Variants in TRPA1 observed in about 807,000 individuals in gnomAD.
TRPA1 encodes ankyrin-like with transmembrane domains 1.
In TRPA1, 129 loss-of-function variants were observed where a neutral mutation model predicts 131.3. The ratio of observed to expected loss-of-function variants is 0.98; its 90% CI spans 0.85 to 1.14. The LOEUF is 1.14. Among genes scored for constraint, TRPA1 ranks in the 50% most tolerant of loss-of-function variants. The pLI is 0.00. For synonymous variants in TRPA1, 441 were observed against 451.7 expected (o/e 0.98, Z 0.30); for missense variants, 1,304 against 1,354.2 (o/e 0.96, Z 0.58).
Position 72,069,052 on chromosome 8 carries a change from C to T in TRPA1, c.415G>A (p.Val139Met). 6.2e-7 allele frequency: 1 copy of T among 1,614,200 alleles called. No individual in the cohort carries two copies. The highest frequency in any genetic ancestry group is 1.3e-5 in the African/African-American group (1 of 75,052). The change falls in exon 3 of 27, where the codon GTG becomes ATG. Residue 139 changes from valine (V) to methionine (M), a missense_variant. Physicochemically the swap from Val to Met is conservative, Grantham distance 21. Transcript: ENST00000262209. ...FNMMAPLHIA[V>M]QGMNNEVMKV... ...ATCACCTCATTATTCATGCCCTGCACAGCTATGTGGAGAGGAGCCATCATG... is the reference window on the plus strand; with the variant it reads ...ATCACCTCATTATTCATGCCCTGCATAGCTATGTGGAGAGGAGCCATCATG...
At chr8:72,025,734 G>T (rs1811579580) in intron 25 of TRPA1, among the ~76,000 whole-genome samples, 1 of 152,182 alleles carries the variant, frequency 6.6e-6, no homozygotes, top group Admixed American at 6.5e-5. Flanking sequence ...ATTTAACACA[G>T]ATGCTATGGA....
At chr8:72,075,958 A>G (rs1010417115), upstream of TRPA1, among the ~76,000 whole-genome samples, 9 of 151,186 alleles carry the variant, frequency 6.0e-5, no homozygotes, top group African/African-American at 2.2e-4. Flanking sequence ...ATGACTGGGT[A>G]TATTGGAAAG....
chr8:72,046,688 A>G (rs1563391774), intron 16 of TRPA1, 80 bp from the exon 17 acceptor site: 17 of 726,924 alleles, frequency 2.3e-5, no homozygotes, highest in East Asian at 8.0e-5. Context: ...TGAAAAAATC[A>G]AATACACAAA....
At chr8:72,042,783 T>C (rs2129434314) in intron 17 of TRPA1, among the ~76,000 whole-genome samples, 1 of 152,030 alleles carries the variant, frequency 6.6e-6, no homozygotes, top group East Asian at 1.9e-4. Context: ...AAGGAGATTA[T>C]AGTAACTGAA....
intron 20 of TRPA1, 91 bp from the exon 21 acceptor site, chr8:72,036,548 A>G (rs1300012247): frequency 8.0e-7 from 1 of 1,242,376 alleles, no homozygotes. Context: ...CAATTTTTCT[A>G]GCTTTGCAGC....
the TRPA1 span, among the ~76,000 whole-genome samples, chr8:72,083,776 A>C: frequency 6.6e-6 from 1 of 151,884 alleles, no homozygotes; most frequent in Non-Finnish European, 1.5e-5. Context: ...AACAAAAAAA[A>C]ATTTTTCTGT....
chr8:72,033,757 G>A lies in TRPA1; in HGVS notation c.2755C>T (p.Arg919Ter), dbSNP rs147706025. 2.2e-4 allele frequency: 357 copies of A among 1,613,802 alleles called. No individual in the cohort carries two copies. Among genetic ancestry groups the A allele is most frequent in the Non-Finnish European group, 2.9e-4 (341 of 1,179,870 alleles). ...AGATATGGTTCTAGGAAGGACTCTC[G>A]ATAATTGATATCTCCTAGCATCATG... The part of the protein sequence containing the change: ...FSMMLGDINY[R>*]ESFLEPYLRN... The change falls in exon 23 of 27, where the codon CGA becomes TGA. Residue 919 changes from arginine to a stop codon, truncating the protein, a stop_gained. Coordinates refer to ENST00000262209, the MANE Select transcript of TRPA1 (RefSeq NM_007332.3). LOFTEE classifies it high-confidence loss of function.
At chr8:72,062,762 C>G (rs1181169290) in intron 6 of TRPA1, 37 bp downstream of exon 6, 1 of 1,604,336 alleles carries the variant, frequency 6.2e-7, no homozygotes, top group Non-Finnish European at 8.5e-7. Context: ...TATGACAACT[C>G]TAAGATAAAA....
the TRPA1 span, among the ~76,000 whole-genome samples, chr8:72,086,570 G>T: frequency 2.4e-4 from 36 of 152,172 alleles, no homozygotes; most frequent in Non-Finnish European, 4.9e-4. Flanking sequence ...GAAATTGGAA[G>T]ATTTTGACGT....
intron 17 of TRPA1, 32 bp downstream of exon 17, chr8:72,046,481 A>G (rs1220646568): frequency 1.5e-6 from 2 of 1,291,756 alleles, no homozygotes; most frequent in Non-Finnish European, 2.2e-6. Flanking sequence ...AAAAAAAAGA[A>G]ACTATTTAGA....
chr8:72,054,095 T>G (rs1805599512), intron 12 of TRPA1: 1 of 546,566 alleles, frequency 1.8e-6, no homozygotes, highest in Admixed American at 3.1e-5. Context: ...CTTAGTGGTT[T>G]AAAATATGAA....
intron 6 of TRPA1, chr8:72,062,369 A>C (rs1247003028): frequency 5.4e-6 from 1 of 186,654 alleles, no homozygotes; most frequent in Non-Finnish European, 1.1e-5. Context: ...CCATAAGGTC[A>C]GATCCCAAAC....
At chr8:72,062,513 A>G (rs1805831620) in intron 6 of TRPA1, among the ~76,000 whole-genome samples, 1 of 152,190 alleles carries the variant, frequency 6.6e-6, no homozygotes, top group Non-Finnish European at 1.5e-5. Flanking sequence ...GCTGAACATT[A>G]TCATCTTCTG....
chr8:72,047,565 G>A (rs570585443), intron 15 of TRPA1, among the ~76,000 whole-genome samples: 182 of 152,200 alleles, frequency 1.2e-3, no homozygotes, highest in Non-Finnish European at 2.3e-3. Context: ...ATCCTAATCT[G>A]AAAATGTGAA....
chr8:72,033,896 G>T, intron 22 of TRPA1, 70 bp from the exon 23 acceptor site: 4 of 1,437,376 alleles, frequency 2.8e-6, no homozygotes, highest in Non-Finnish European at 2.9e-6. Flanking sequence ...CCTGGAGGTA[G>T]AATGATAAAA....
chr8:72,041,531 A>C (rs964312996), intron 17 of TRPA1, among the ~76,000 whole-genome samples: 12 of 152,026 alleles, frequency 7.9e-5, no homozygotes, highest in Non-Finnish European at 1.3e-4. Flanking sequence ...CTACAGTGGA[A>C]TAAAACTAGA....
At chr8:72,037,854 T>C in intron 20 of TRPA1, 129 bp downstream of exon 20, 3 of 663,260 alleles carry the variant, frequency 4.5e-6, no homozygotes, top group South Asian at 1.7e-5. Flanking sequence ...TTGGTGTTTC[T>C]AATCTATATG....
At chr8:72,082,429 G>C in the TRPA1 span, among the ~76,000 whole-genome samples, 1 of 151,948 alleles carries the variant, frequency 6.6e-6, no homozygotes, top group Non-Finnish European at 1.5e-5. Context: ...TTTTATATTT[G>C]CCTACTTATT....
At chr8:72,076,639 C>G (rs6981557), upstream of TRPA1, 132,170 of 152,360 alleles carry the variant, frequency 0.87, 57,447 homozygotes, top group African/African-American at 0.9. Flanking sequence ...TTTGTGGACT[C>G]TCTGACCTAG....
Sources: gnomAD v4.1 joint callset for allele counts (sites outside exome capture counted in the v4.1 genomes callset) on GRCh38, gnomAD v4.1.1 for gene constraint, MANE v1.5 for transcripts, NCBI Gene and HGNC (gene_info 2026-07-23, HGNC 2026-07-21) for gene names.